RAB3C: variants seen among roughly 807,000 people sequenced by gnomAD.
RAB3C encodes the protein ras-related protein Rab-3C.
A neutral mutation model predicts 26.4 loss-of-function variants in RAB3C; 17 were observed. The observed-to-expected ratio is 0.64, with a 90% CI of 0.44 to 0.97. The LOEUF is 0.97. Among genes scored for constraint, RAB3C ranks in the 50% least tolerant of loss-of-function variants. The probability of loss-of-function intolerance (pLI) is 0.00; values close to 1 mark genes in which losing one functional copy is unlikely to be tolerated. For synonymous variants in RAB3C, 91 were observed against 95.9 expected, an observed-to-expected ratio of 0.95 and a Z score of 0.30; for missense variants, 242 against 281.9, an observed-to-expected ratio of 0.86 and a Z score of 1.01.
Position 58,766,503 on chromosome 5 carries a change from C to T in RAB3C, c.371+40383C>T, listed in dbSNP as rs542846259. On this transcript the variant is annotated intron_variant, in intron 3 of 4. Coordinates refer to ENST00000282878, the MANE Select transcript of RAB3C (RefSeq NM_138453.4). ...AGGCTGTATGTCCACGACAGAAGTT[C>T]AGAGACAAAGCTGCCTCGTAGCACC... Among the ~76,000 whole-genome samples the T allele has an allele frequency of 3.9e-5, 6 of 152,298 alleles. No individual in the cohort carries two copies. The East Asian group carries it at 1.2e-3, about 29-fold the overall frequency.
intron 2 of RAB3C, among the ~76,000 whole-genome samples, chr5:58,618,508 G>T (rs1746871180): frequency 6.6e-6 from 1 of 152,136 alleles, no homozygotes; most frequent in South Asian, 2.1e-4. Flanking sequence ...AAAGTTTTGA[G>T]ACCATTTGGT....
intron 3 of RAB3C, among the ~76,000 whole-genome samples, chr5:58,745,392 CAAAAAAAAAAAAAA>C (rs1173604247): frequency 9.1e-5 from 3 of 33,110 alleles, no homozygotes; most frequent in South Asian, 1.2e-3. Flanking sequence ...GACTCTGCTT[CAAAAAAAAAAAAAA>C]AAAAAAAAAA....
chr5:58,811,535 A>T (rs564216910), intron 3 of RAB3C, among the ~76,000 whole-genome samples: 1 of 152,134 alleles, frequency 6.6e-6, no homozygotes, highest in Non-Finnish European at 1.5e-5. Flanking sequence ...TTTTACCAGA[A>T]CCCAAGGCCT....
intron 2 of RAB3C, among the ~76,000 whole-genome samples, chr5:58,697,759 T>C (rs995494331): frequency 6.6e-6 from 1 of 152,178 alleles, no homozygotes; most frequent in Non-Finnish European, 1.5e-5. Context: ...TGCTTTTTTT[T>C]GTTTTCTATT....
rs141510610 is a variant in RAB3C, at chr5:58,689,811, A to G, written c.253-36191A>G. ...CTCCTCAAAGCCCTGAGAGGATGCA[A>G]CTCTTCTCCTTGTTCAGATGACTAT... On this transcript the variant is annotated intron_variant, in intron 2 of 4. Coordinates refer to ENST00000282878, the MANE Select transcript of RAB3C (RefSeq NM_138453.4). Among the ~76,000 whole-genome samples the G allele has an allele frequency of 7.9e-5, 12 of 152,152 alleles. No individual in the cohort carries two copies. In the East Asian group the frequency reaches 1.9e-3, roughly 24 times the overall value.
At chr5:58,726,411 A>G (rs897746732) in intron 3 of RAB3C, among the ~76,000 whole-genome samples, 2 of 152,014 alleles carry the variant, frequency 1.3e-5, no homozygotes, top group African/African-American at 4.8e-5. Flanking sequence ...TTTTTAAAAT[A>G]TAAATAACGA....
rs138407359 is a variant in RAB3C at position 58,599,578 on chromosome 5, G to A, written c.24+16346G>A. On this transcript the variant is annotated intron_variant, in intron 1 of 4. Transcript: ENST00000282878. ...TGGGCTATCTCCACTCTGGGAAACC[G>A]CTGGAACCAAACTGGAAGTAAACTA... is the stretch of plus-strand genomic sequence containing the variant. 1.2e-4 allele frequency among the ~76,000 whole-genome samples: 18 copies of A among 152,220 alleles called. No individual in the cohort carries two copies. The East Asian group carries it at 2.3e-3, about 20-fold the overall frequency.
rs1484314125 is a variant in RAB3C at position 58,617,721 on chromosome 5, A to T, written c.103A>T (p.Ile35Phe). 6.2e-7 allele frequency: 1 copy of T among 1,614,032 alleles called. No individual in the cohort carries two copies. The highest frequency in any genetic ancestry group is 1.1e-5 in the South Asian group (1 of 91,078). The change falls in exon 2 of 5, where the codon ATC becomes TTC. Residue 35 changes from isoleucine (I) to phenylalanine (F), a missense_variant. Transcript: ENST00000282878. ...QNFDYMFKLLIIGNSSVGKTS... is the reference protein window; with the variant it reads ...QNFDYMFKLLFIGNSSVGKTS... ...CTTTGACTACATGTTCAAATTACTC[A>T]TCATCGGCAATAGCAGTGTGGGGAA... is the stretch of plus-strand genomic sequence containing the variant.
At chr5:58,819,612 C>A (rs1461327704) in intron 3 of RAB3C, among the ~76,000 whole-genome samples, 3 of 152,170 alleles carry the variant, frequency 2.0e-5, no homozygotes, top group African/African-American at 4.8e-5. Context: ...CGGTGGCTTG[C>A]GCCTGTAATC....
chr5:58,855,124 G>A lies in RAB3C; in HGVS notation c.*3773G>A, dbSNP rs1318019572. On this transcript the variant is annotated 3_prime_UTR_variant, in exon 5 of 5. Transcript: ENST00000282878. ...TGCTTTATCCAACATGTATCTTAGT[G>A]CATGGTTGAGGATGTACTATGTGAT... is the stretch of plus-strand genomic sequence containing the variant. 1 of 152,080 alleles carries A rather than the reference G, an allele frequency of 6.6e-6. No individual in the cohort carries two copies. The highest frequency in any genetic ancestry group is 1.5e-5 in the Non-Finnish European group (1 of 68,022). The allele number at this position is 152,080 out of a possible 1,614,324, so 9.4% of individuals were successfully genotyped here. A position where few individuals can be genotyped will look rare whatever the true frequency, so the allele number is the denominator to read the frequency against.
At chr5:58,725,925 T>C in intron 2 of RAB3C, 77 bp from the exon 3 acceptor site, 1 of 836,050 alleles carries the variant, frequency 1.2e-6, no homozygotes, top group Non-Finnish European at 1.9e-6. Context: ...TTGTGACTCT[T>C]TTTGGAATTA....
intron 2 of RAB3C, among the ~76,000 whole-genome samples, chr5:58,695,172 AT>A (rs1748668584): frequency 6.6e-6 from 1 of 152,186 alleles, no homozygotes; most frequent in African/African-American, 2.4e-5. Flanking sequence ...TCCCAGCACC[AT>A]TTATTCAATA....
intron 2 of RAB3C, among the ~76,000 whole-genome samples, chr5:58,681,542 T>G (rs752375824): frequency 8.5e-5 from 13 of 152,204 alleles, no homozygotes; most frequent in Non-Finnish European, 1.5e-4. Context: ...GAGTGAATAC[T>G]TTTTACTTTT....
At chr5:58,683,662 T>C (rs574777619) in intron 2 of RAB3C, among the ~76,000 whole-genome samples, 4 of 152,300 alleles carry the variant, frequency 2.6e-5, no homozygotes, top group African/African-American at 9.6e-5. Context: ...AAATAAACAA[T>C]TCATACATTT....
chr5:58,618,004 A>C (rs1437091706), intron 2 of RAB3C, 134 bp downstream of exon 2: 2 of 622,662 alleles, frequency 3.2e-6, no homozygotes, highest in East Asian at 5.5e-5. Flanking sequence ...TTGCTGCAGA[A>C]CATTCTGTTT....
chr5:58,604,090 G>T (rs1579811590), intron 1 of RAB3C, among the ~76,000 whole-genome samples: 1 of 152,178 alleles, frequency 6.6e-6, no homozygotes. Flanking sequence ...TCTGGGTCTA[G>T]CCACCCAGCC....
At chr5:58,617,614 GT>G (rs1746850673) in intron 1 of RAB3C, 28 bp from the exon 2 acceptor site, 2 of 1,526,748 alleles carry the variant, frequency 1.3e-6, no homozygotes, top group African/African-American at 1.4e-5. Context: ...CACCTATTTT[GT>G]TTTTGTTTTG....
At chr5:58,780,037 C>A (rs1742238075) in intron 3 of RAB3C, among the ~76,000 whole-genome samples, 1 of 152,082 alleles carries the variant, frequency 6.6e-6, no homozygotes, top group Non-Finnish European at 1.5e-5. Flanking sequence ...ACCCCATCTT[C>A]ATGATGGTCA....
rs1045861695 is a variant in RAB3C, at chr5:58,855,963, G to C, written c.*4612G>C. On this transcript the variant is annotated 3_prime_UTR_variant, in exon 5 of 5. Transcript: ENST00000282878. ...TATTTACAGAAATGCTTGACACTCC[G>C]GTCAAATAATATTTCCCTTTGATAG... The C allele has an allele frequency of 6.6e-6, 1 of 151,958 alleles. No individual in the cohort carries two copies. The highest frequency in any genetic ancestry group is 1.5e-5 in the Non-Finnish European group (1 of 67,994). The allele number at this position is 151,958 out of a possible 1,614,324, so 9.4% of individuals were successfully genotyped here.
Sources: allele counts gnomAD v4.1 joint callset (sites outside exome capture counted in the v4.1 genomes callset), GRCh38; gene constraint gnomAD v4.1.1; transcripts MANE v1.5; gene names NCBI Gene and HGNC (gene_info 2026-07-23, HGNC 2026-07-21).